Variants in TMEM102 observed in about 807,000 individuals in gnomAD.
The protein encoded by TMEM102 is DANGER family member 2B.
A neutral mutation model predicts 26.8 loss-of-function variants in TMEM102; 28 were observed. The observed-to-expected ratio is 1.05, with a 90% CI of 0.77 to 1.43. TMEM102 has a LOEUF of 1.43. Ranked by LOEUF, TMEM102 falls within the 40% of genes most tolerant of loss-of-function variation. The pLI is 0.00. For missense variants in TMEM102, 677 were observed against 705.6 expected (o/e 0.96, Z 0.46); for synonymous variants, 306 against 332.1 (o/e 0.92, Z 0.86).
Position 7,436,354 on chromosome 17 carries a change from G to GTTT in TMEM102, c.377_379dup (p.Phe126dup), listed in dbSNP as rs772637553. The GTTT allele has an allele frequency of 1.2e-6, 2 of 1,613,808 alleles. No individual in the cohort carries two copies. Among genetic ancestry groups the GTTT allele is most frequent in the Non-Finnish European group, 1.7e-6 (2 of 1,180,034 alleles). ...CCGGCTTCACACTCCTAGTGCCCAT[G>GTTT]TTTTCACTGGACGGCACTGAACTGC... On this transcript the variant is annotated inframe_insertion, in exon 3 of 3. Coordinates refer to ENST00000323206, the MANE Select transcript of TMEM102 (RefSeq NM_178518.3).
chr17:7,437,460 C>T lies in TMEM102; in HGVS notation c.1481C>T (p.Ala494Val). The T allele has an allele frequency of 7.0e-7, 1 of 1,426,026 alleles. No individual in the cohort carries two copies. Among genetic ancestry groups the T allele is most frequent in the Non-Finnish European group, 9.2e-7 (1 of 1,090,084 alleles). The allele number at this position is 1,426,026 out of a possible 1,614,324, so 88.3% of individuals were successfully genotyped here. A position where few individuals can be genotyped will look rare whatever the true frequency, so the allele number is the denominator to read the frequency against. ...LRAAVEEAKV[A>V]RKGGGLAGVG... Reference sequence around the variant, plus strand: ...GCCGCGGTGGAGGAGGCCAAAGTGGCCCGCAAGGGGGGCGGTTTGGCGGGC... The same window carrying T: ...GCCGCGGTGGAGGAGGCCAAAGTGGTCCGCAAGGGGGGCGGTTTGGCGGGC... Residue 494 changes from alanine to valine, a missense_variant, in exon 3 of 3, where the codon GCC becomes GTC. Ala to Val is a moderately conservative substitution (Grantham distance 64, BLOSUM62 0). Coordinates refer to ENST00000323206, the MANE Select transcript of TMEM102 (RefSeq NM_178518.3). This position sits in a 1 kb window ranked among gnomAD's most constrained non-coding sequence, Gnocchi z 4.2.
chr17:7,437,431 C>A lies in TMEM102; in HGVS notation c.1452C>A (p.Leu484=). The change falls in exon 3 of 3, where the codon CTC becomes CTA. Residue 484 remains leucine (L), a synonymous_variant. Transcript: ENST00000323206. This position sits in a 1 kb window ranked among gnomAD's most constrained non-coding sequence, Gnocchi z 4.2. The part of the protein sequence containing the change: ...ARLRGDPARA[L]RAAVEEAKVA... ...TCCGCGGGGACCCGGCCCGGGCCCT[C>A]CGTGCCGCGGTGGAGGAGGCCAAAG... 6.8e-7 allele frequency: 1 copy of A among 1,479,856 alleles called. No individual in the cohort carries two copies. The allele number at this position is 1,479,856 out of a possible 1,614,324, so 91.7% of individuals were successfully genotyped here. A position where few individuals can be genotyped will look rare whatever the true frequency, so the allele number is the denominator to read the frequency against.
chr17:7,435,848 C>T lies in TMEM102; in HGVS notation c.-19-5C>T, dbSNP rs754002668. On this transcript the variant is annotated splice_polypyrimidine_tract_variant and splice_region_variant and intron_variant, in intron 1 of 2. Transcript: ENST00000323206. ...AAAGCCACCTCCCTTCCGTGTTTTC[C>T]GCAGCCCAAAGCGATAGAACCGCAT... 2.6e-6 allele frequency: 4 copies of T among 1,551,398 alleles called. No homozygotes were observed. The South Asian group carries it at 3.5e-5, about 14-fold the overall frequency.
chr17:7,437,542 G>T lies in TMEM102; in HGVS notation c.*36G>T. On this transcript the variant is annotated 3_prime_UTR_variant, in exon 3 of 3. Coordinates refer to ENST00000323206, the MANE Select transcript of TMEM102 (RefSeq NM_178518.3). This position sits in a 1 kb window ranked among gnomAD's most constrained non-coding sequence, Gnocchi z 4.2. ...CCTACCAGTGGAAAGTGCCTCTGTG[G>T]GCGAGCGGGACGTGGGGGGCCCTGC... 2.3e-6 allele frequency: 3 copies of T among 1,307,140 alleles called. No individual in the cohort carries two copies. Among genetic ancestry groups the T allele is most frequent in the Non-Finnish European group, 2.9e-6 (3 of 1,017,468 alleles). 81.0% of individuals were successfully genotyped at this position (1,307,140 alleles called of 1,614,324 possible). A position where few individuals can be genotyped will look rare whatever the true frequency, so the allele number is the denominator to read the frequency against.
At chr17:7,435,808 C>A (rs749124267) in intron 1 of TMEM102, 45 bp from the exon 2 acceptor site, 2 of 1,459,980 alleles carry the variant, frequency 1.4e-6, no homozygotes, top group Non-Finnish European at 1.8e-6. Flanking sequence ...AGAACGGGGA[C>A]GACTTTGTGG....
rs1908064139 is a variant in TMEM102 at position 7,437,082 on chromosome 17, C to T, written c.1103C>T (p.Ala368Val). Reference sequence around the variant, plus strand: ...GCCTCCGCCTGGCAGCTCTGTTTTGCCCGCCAGGAGCTGGCGCTCAAAGCG... The same window carrying T: ...GCCTCCGCCTGGCAGCTCTGTTTTGTCCGCCAGGAGCTGGCGCTCAAAGCG... ...PCASAWQLCF[A>V]RQELALKARI... The change falls in exon 3 of 3, where the codon GCC becomes GTC. Residue 368 changes from alanine to valine, a missense_variant. By Grantham distance (64) the Ala-to-Val change is moderately conservative (BLOSUM62 0). Transcript: ENST00000323206. The surrounding 1 kb of genome is among the most constrained non-coding windows in gnomAD (Gnocchi z 4.2). 4 of 1,524,206 alleles carry T rather than the reference C, an allele frequency of 2.6e-6. No homozygotes were observed. The highest frequency in any genetic ancestry group is 1.2e-5 in the South Asian group (1 of 82,378). The allele number at this position is 1,524,206 out of a possible 1,614,324, so 94.4% of individuals were successfully genotyped here. A position where few individuals can be genotyped will look rare whatever the true frequency, so the allele number is the denominator to read the frequency against.
Position 7,436,918 on chromosome 17 carries a change from C to T in TMEM102, c.939C>T (p.Leu313=), listed in dbSNP as rs772881094. The T allele has an allele frequency of 5.6e-6, 9 of 1,607,332 alleles. No individual in the cohort carries two copies. The highest frequency in any genetic ancestry group is 6.8e-6 in the Non-Finnish European group (8 of 1,179,652). Residue 313 remains leucine, a synonymous_variant, in exon 3 of 3, where the codon CTC becomes CTT. Transcript: ENST00000323206. ...LLATPEPPRR[L]LLFDLIPVVS... ...CTACCCCTGAGCCCCCTCGCCGCCT[C>T]CTGCTCTTCGACCTGATCCCAGTGG...
rs1567671395 is a variant in TMEM102, at chr17:7,436,018, C to G, written c.147C>G (p.Ser49Arg). Reference sequence around the variant, plus strand: ...TCCAGGAGCTGGGTGTGCAGGAGAGCTGGAGTGACGGGCCCAAGCCGGGAG... The same window carrying G: ...TCCAGGAGCTGGGTGTGCAGGAGAGGTGGAGTGACGGGCCCAAGCCGGGAG... ...QLIQELGVQESWSDGPKPGAD... is the reference protein window; with the variant it reads ...QLIQELGVQERWSDGPKPGAD... The change falls in exon 2 of 3, where the codon AGC (serine) becomes AGG (arginine). Residue 49 changes from serine (S) to arginine (R), a missense_variant. By Grantham distance (110) the Ser-to-Arg change is moderately radical. Transcript: ENST00000323206. The G allele has an allele frequency of 6.2e-7, 1 of 1,613,598 alleles. No homozygotes were observed. Among genetic ancestry groups the G allele is most frequent in the East Asian group, 2.2e-5 (1 of 44,878 alleles).
In TMEM102 at chr17:7,437,252, G is replaced by A. The variant is rs1908078677; in HGVS notation, c.1273G>A (p.Ala425Thr). Reference sequence around the variant, plus strand: ...CGAGCGGCTGCCTGCGCTCTACCTGGCGCGGCCAGAAAATGCGGGCGCCTG... The same window carrying A: ...CGAGCGGCTGCCTGCGCTCTACCTGACGCGGCCAGAAAATGCGGGCGCCTG... ...ACERLPALYL[A>T]RPENAGACCL... Residue 425 changes from alanine to threonine, a missense_variant, in exon 3 of 3, where the codon GCG becomes ACG. Transcript: ENST00000323206. The surrounding 1 kb of genome is among the most constrained non-coding windows in gnomAD (Gnocchi z 4.2). 1 of 1,528,930 alleles carries A rather than the reference G, an allele frequency of 6.5e-7. No individual in the cohort carries two copies. 94.7% of individuals were successfully genotyped at this position (1,528,930 alleles called of 1,614,324 possible).
chr17:7,436,515 G>T lies in TMEM102; in HGVS notation c.536G>T (p.Ser179Ile). The T allele has an allele frequency of 6.2e-7, 1 of 1,613,952 alleles. No homozygotes were observed. The highest frequency in any genetic ancestry group is 8.5e-7 in the Non-Finnish European group (1 of 1,180,030). Reference protein sequence around the residue: ...GARDSIHRTESEESSKDWQSS... With the variant: ...GARDSIHRTEIEESSKDWQSS... ...CGTGATTCGATCCACCGAACGGAGA[G>T]CGAAGAAAGTTCCAAGGACTGGCAA... Residue 179 changes from serine to isoleucine, a missense_variant, in exon 3 of 3, where the codon AGC (serine) becomes ATC (isoleucine). By Grantham distance (142) the Ser-to-Ile change is moderately radical. Coordinates refer to ENST00000323206, the MANE Select transcript of TMEM102 (RefSeq NM_178518.3).
chr17:7,435,857 A>G lies in TMEM102; in HGVS notation c.-15A>G. 6.4e-7 allele frequency: 1 copy of G among 1,572,616 alleles called. No individual in the cohort carries two copies. Among genetic ancestry groups the G allele is most frequent in the Non-Finnish European group, 8.6e-7 (1 of 1,157,320 alleles). On this transcript the variant is annotated 5_prime_UTR_variant, in exon 2 of 3. Transcript: ENST00000323206. ...TCCCTTCCGTGTTTTCCGCAGCCCA[A>G]AGCGATAGAACCGCATGGCTTCCGC...
rs76805816 is a variant in TMEM102 at position 7,436,584 on chromosome 17, C to G, written c.605C>G (p.Ala202Gly). 6.2e-3 allele frequency: 9,982 copies of G among 1,613,950 alleles called. 488 individuals carry two copies. In the African/African-American group the frequency reaches 0.11, roughly 19 times the overall value. ...QPHSYVTEHE[A>G]PVSLEKSPSD... ...CACAGCTACGTCACTGAGCACGAGGCGCCGGTGTCTTTGGAAAAATCGCCT... is the reference window on the plus strand; with the variant it reads ...CACAGCTACGTCACTGAGCACGAGGGGCCGGTGTCTTTGGAAAAATCGCCT... The change falls in exon 3 of 3, where the codon GCG (alanine) becomes GGG (glycine). Residue 202 changes from alanine to glycine, a missense_variant. Transcript: ENST00000323206.
chr17:7,436,389 T>C lies in TMEM102; in HGVS notation c.410T>C (p.Leu137Pro), dbSNP rs1415554578. 2.5e-6 allele frequency: 4 copies of C among 1,613,756 alleles called. No homozygotes were observed. In the African/African-American group the frequency reaches 4.0e-5, roughly 16 times the overall value. Residue 137 changes from leucine (L) to proline (P), a missense_variant, in exon 3 of 3, where the codon CTG becomes CCG. By Grantham distance (98) the Leu-to-Pro change is moderately conservative (BLOSUM62 -3). Transcript: ENST00000323206. ...GACGGCACTGAACTGCAACTGGACC[T>C]GGAATCCTGTTACGCACAGGTCTGC... ...SLDGTELQLD[L>P]ESCYAQVCLP...
chr17:7,435,553 A>T lies in TMEM102; in HGVS notation c.-163A>T. ...TAAGCCTCTTCCAAAAAAGAGGTAAAGGGAGGTAGACAAGGGGCGGCAGCG... is the reference window on the plus strand; with the variant it reads ...TAAGCCTCTTCCAAAAAAGAGGTAATGGGAGGTAGACAAGGGGCGGCAGCG... On this transcript the variant is annotated 5_prime_UTR_variant, in exon 1 of 3. In the 5' UTR this introduces an upstream ATG that the reference lacks. Transcript: ENST00000323206. 3.2e-6 allele frequency: 1 copy of T among 316,290 alleles called. No individual in the cohort carries two copies. The allele number at this position is 316,290 out of a possible 1,614,324, so 19.6% of individuals were successfully genotyped here.
Position 7,436,632 on chromosome 17 carries a change from C to A in TMEM102, c.653C>A (p.Ser218Ter). The change falls in exon 3 of 3, where the codon TCG becomes TAG. Residue 218 changes from serine (S) to a stop codon, truncating the protein, a stop_gained. Coordinates refer to ENST00000323206, the MANE Select transcript of TMEM102 (RefSeq NM_178518.3). LOFTEE classifies it high-confidence loss of function. ...CCTAGTGACGTTTCAGCGTCCGAGT[C>A]GCCTCAGCATGACGTCGTCGACCTT... ...KSPSDVSASE[S>*]PQHDVVDLGS... 6.2e-7 allele frequency: 1 copy of A among 1,613,924 alleles called. No homozygotes were observed. The highest frequency in any genetic ancestry group is 8.5e-7 in the Non-Finnish European group (1 of 1,180,034).
rs887963371 is a variant in TMEM102, at chr17:7,435,637, C to A, written c.-79C>A. 3 of 465,656 alleles carry A rather than the reference C, an allele frequency of 6.4e-6. No homozygotes were observed. Among genetic ancestry groups the A allele is most frequent in the African/African-American group, 3.9e-5 (2 of 51,280 alleles). 28.8% of individuals were successfully genotyped at this position (465,656 alleles called of 1,614,324 possible). A position where few individuals can be genotyped will look rare whatever the true frequency, so the allele number is the denominator to read the frequency against. ...ACAGTTACTTTTTACCTGCTGAGTC[C>A]GGTGAACCAGTTCATGGGGGCGGGG... On this transcript the variant is annotated 5_prime_UTR_variant, in exon 1 of 3. Coordinates refer to ENST00000323206, the MANE Select transcript of TMEM102 (RefSeq NM_178518.3).
In TMEM102 at chr17:7,437,275, C is replaced by A; in HGVS notation, c.1296C>A (p.Ala432=). The change falls in exon 3 of 3, where the codon GCC becomes GCA. Residue 432 remains alanine, a synonymous_variant. Coordinates refer to ENST00000323206, the MANE Select transcript of TMEM102 (RefSeq NM_178518.3). The surrounding 1 kb of genome is among the most constrained non-coding windows in gnomAD (Gnocchi z 4.2). ...TGGCGCGGCCAGAAAATGCGGGCGC[C>A]TGCTGCCTCGGGCTGCTAGACGAGC... ...LYLARPENAG[A]CCLGLLDELG... 6.5e-7 allele frequency: 1 copy of A among 1,542,868 alleles called. No homozygotes were observed. Among genetic ancestry groups the A allele is most frequent in the Non-Finnish European group, 8.7e-7 (1 of 1,149,050 alleles).
Position 7,437,118 on chromosome 17 carries a change from C to A in TMEM102, c.1139C>A (p.Ala380Glu). 2 of 1,471,534 alleles carry A rather than the reference C, an allele frequency of 1.4e-6. No homozygotes were observed. The highest frequency in any genetic ancestry group is 1.4e-5 in the South Asian group (1 of 73,226). 91.2% of individuals were successfully genotyped at this position (1,471,534 alleles called of 1,614,324 possible). ...CTGGCGCTCAAAGCGCGCATACCAG[C>A]GCCGCTGCTGCAGGCGCACGCGGCG... Reference protein sequence around the residue: ...QELALKARIPAPLLQAHAAAQ... With the variant: ...QELALKARIPEPLLQAHAAAQ... Residue 380 changes from alanine (A) to glutamate (E), a missense_variant, in exon 3 of 3, where the codon GCG (alanine) becomes GAG (glutamate). Transcript: ENST00000323206. The surrounding 1 kb of genome is among the most constrained non-coding windows in gnomAD (Gnocchi z 4.2).
chr17:7,436,377 T>C lies in TMEM102; in HGVS notation c.398T>C (p.Leu133Pro). 6.2e-7 allele frequency: 1 copy of C among 1,613,866 alleles called. No homozygotes were observed. Residue 133 changes from leucine (L) to proline (P), a missense_variant, in exon 3 of 3, where the codon CTG (leucine) becomes CCG (proline). Coordinates refer to ENST00000323206, the MANE Select transcript of TMEM102 (RefSeq NM_178518.3). Reference sequence around the variant, plus strand: ...ATGTTTTCACTGGACGGCACTGAACTGCAACTGGACCTGGAATCCTGTTAC... The same window carrying C: ...ATGTTTTCACTGGACGGCACTGAACCGCAACTGGACCTGGAATCCTGTTAC... Reference protein sequence around the residue: ...VPMFSLDGTELQLDLESCYAQ... With the variant: ...VPMFSLDGTEPQLDLESCYAQ...
Sources: gnomAD v4.1 joint callset for allele counts on GRCh38, gnomAD v4.1.1 for gene constraint, Gnocchi (gnomAD v3.1) non-coding constraint, MANE v1.5 for transcripts, NCBI Gene and HGNC (gene_info 2026-07-23, HGNC 2026-07-21) for gene names.